Variants in MAPK10 observed in about 807,000 individuals in gnomAD.
MAPK10 encodes the protein JNK3 alpha protein kinase.
MAPK10 carries 25 observed loss-of-function variants against 59.3 expected under a neutral mutation model. The observed-to-expected ratio is 0.42, with a 90% CI of 0.31 to 0.59. MAPK10 has a LOEUF of 0.59. Among genes scored for constraint, MAPK10 ranks in the 20% least tolerant of loss-of-function variants. MAPK10 has a pLI of 0.15. For missense variants in MAPK10, 351 were observed against 568.9 expected (o/e 0.62, Z 3.90); for synonymous variants, 190 against 200.5 (o/e 0.95, Z 0.44).
At chr4:86,504,099 C>G (rs1053548738) in intron 1 of MAPK10, among the ~76,000 whole-genome samples, 1 of 152,120 alleles carries the variant, frequency 6.6e-6, no homozygotes, top group Non-Finnish European at 1.5e-5. Flanking sequence ...ATCTGTAACA[C>G]TTAACATCAT....
chr4:86,467,878 GA>G (rs1436961095), intron 1 of MAPK10, among the ~76,000 whole-genome samples: 11 of 152,032 alleles, frequency 7.2e-5, no homozygotes, highest in Non-Finnish European at 1.6e-4. Flanking sequence ...CTGGCTTACT[GA>G]AAAAAACCAA....
chr4:86,205,593 T>A (rs1394326285), intron 2 of MAPK10, among the ~76,000 whole-genome samples: 1 of 151,976 alleles, frequency 6.6e-6, no homozygotes, highest in Non-Finnish European at 1.5e-5. Flanking sequence ...CAAAATTATA[T>A]GTTAGGAAAA....
At chr4:86,122,951 G>A (rs1334933241) in intron 4 of MAPK10, among the ~76,000 whole-genome samples, 1 of 151,936 alleles carries the variant, frequency 6.6e-6, no homozygotes, top group East Asian at 1.9e-4. Context: ...GAATTTATGT[G>A]GTTCTGATAG....
At chr4:86,508,803 A>G (rs909855572) in intron 1 of MAPK10, among the ~76,000 whole-genome samples, 7 of 152,206 alleles carry the variant, frequency 4.6e-5, no homozygotes, top group Non-Finnish European at 8.8e-5. Context: ...GACAGGATTT[A>G]TAGAATTTTC....
At chr4:86,054,725 T>C (rs766388113) in intron 11 of MAPK10, among the ~76,000 whole-genome samples, 9 of 152,092 alleles carry the variant, frequency 5.9e-5, no homozygotes, top group Non-Finnish European at 5.9e-5. Context: ...CTACTTAGAG[T>C]TCAACTCCAC....
chr4:86,098,622 A>ACG (rs2054682198), intron 8 of MAPK10, 27 bp from the exon 9 acceptor site: 2 of 1,519,520 alleles, frequency 1.3e-6, no homozygotes, highest in Non-Finnish European at 1.8e-6. Context: ...AGGGTAGTGA[A>ACG]GAAAAGGGAG....
chr4:86,482,337 G>T (rs1030459078), intron 1 of MAPK10, among the ~76,000 whole-genome samples: 1 of 152,000 alleles, frequency 6.6e-6, no homozygotes, highest in South Asian at 2.1e-4. Flanking sequence ...AGTGTTACTG[G>T]ATTTCATTTC....
intron 1 of MAPK10, among the ~76,000 whole-genome samples, chr4:86,483,990 C>T (rs911212243): frequency 7.9e-5 from 12 of 152,086 alleles, no homozygotes; most frequent in Admixed American, 3.9e-4. Context: ...AGAGAGCAGG[C>T]TTCCAAAGGC....
At chr4:86,061,380 A>C (rs2045726049) in intron 11 of MAPK10, among the ~76,000 whole-genome samples, 1 of 152,160 alleles carries the variant, frequency 6.6e-6, no homozygotes, top group Middle Eastern at 3.2e-3. Flanking sequence ...TTGTTACTCT[A>C]AACATTATTT....
At chr4:86,122,152 T>C (rs1256361440) in intron 4 of MAPK10, among the ~76,000 whole-genome samples, 9 of 152,110 alleles carry the variant, frequency 5.9e-5, no homozygotes, top group African/African-American at 1.9e-4. Flanking sequence ...GTGAGGACTG[T>C]AAGGTGGATG....
At chr4:86,110,632 G>C (rs774309772) in intron 4 of MAPK10, among the ~76,000 whole-genome samples, 1 of 152,054 alleles carries the variant, frequency 6.6e-6, no homozygotes, top group African/African-American at 2.4e-5. Flanking sequence ...TTTGGTTATT[G>C]CAGCCTTGTA....
intron 4 of MAPK10, among the ~76,000 whole-genome samples, chr4:86,143,817 T>G (rs114052918): frequency 0.01 from 1,539 of 152,316 alleles, 28 homozygotes; most frequent in African/African-American, 0.035. Context: ...TGACTTTCTT[T>G]TACAACATCT....
chr4:86,023,946 T>C (rs1469734486), intron 13 of MAPK10: 1 of 150,240 alleles, frequency 6.7e-6, no homozygotes, highest in Non-Finnish European at 1.5e-5. Context: ...TAAAAATAAC[T>C]GGTTTTATGA....
chr4:86,033,233 G>A (rs926178731), intron 11 of MAPK10, among the ~76,000 whole-genome samples: 3 of 152,214 alleles, frequency 2.0e-5, no homozygotes, highest in African/African-American at 4.8e-5. Flanking sequence ...TTGTAAAGAC[G>A]CTTTGCCAAG....
intron 1 of MAPK10, among the ~76,000 whole-genome samples, chr4:86,538,745 CA>C (rs1321068375): frequency 1.3e-5 from 2 of 151,520 alleles, no homozygotes; most frequent in Admixed American, 1.3e-4. Context: ...ATGAAAAGAC[CA>C]AAAAAGGGGA....
intron 1 of MAPK10, among the ~76,000 whole-genome samples, chr4:86,512,838 C>A (rs1174504608): frequency 6.6e-6 from 1 of 152,120 alleles, no homozygotes; most frequent in Non-Finnish European, 1.5e-5. Context: ...CCACCTGATG[C>A]CATAGCCAGG....
intron 12 of MAPK10, among the ~76,000 whole-genome samples, chr4:86,030,237 C>T (rs1414414864): frequency 1.3e-5 from 2 of 152,090 alleles, no homozygotes; most frequent in Admixed American, 1.3e-4. Flanking sequence ...TGTATATGTT[C>T]ATTTTTCCAT....
chr4:86,307,046 T>C (rs1312862555), intron 2 of MAPK10, among the ~76,000 whole-genome samples: 1 of 152,004 alleles, frequency 6.6e-6, no homozygotes, highest in Admixed American at 6.6e-5. Flanking sequence ...GCCAGATGAG[T>C]AAATGAAGCA....
At chr4:86,509,218 C>G (rs751865223) in intron 1 of MAPK10, among the ~76,000 whole-genome samples, 4 of 151,958 alleles carry the variant, frequency 2.6e-5, no homozygotes, top group African/African-American at 9.7e-5. Context: ...TTCATGGCAG[C>G]CAACAACCTA....
Sources: allele counts gnomAD v4.1 joint callset (sites outside exome capture counted in the v4.1 genomes callset), GRCh38; gene constraint gnomAD v4.1.1; transcripts MANE v1.5; gene names NCBI Gene and HGNC (gene_info 2026-07-23, HGNC 2026-07-21).